FAF1: variants seen among roughly 807,000 people sequenced by gnomAD.
FAF1 encodes the protein Fas associated factor 1.
FAF1 carries 25 observed loss-of-function variants against 92.5 expected under a neutral mutation model. The observed-to-expected ratio is 0.27, with a 90% CI of 0.20 to 0.38. FAF1 has a LOEUF of 0.38. FAF1 is among the 10% of genes least tolerant of loss of function. The probability of loss-of-function intolerance (pLI) is 1.00; values close to 1 mark genes in which losing one functional copy is unlikely to be tolerated. For synonymous variants in FAF1, 234 were observed against 273.2 expected (o/e 0.86, Z 1.42); for missense variants, 636 against 793.3 (o/e 0.80, Z 2.38).
At chr1:50,715,420 A>G (rs990913562) in intron 6 of FAF1, among the ~76,000 whole-genome samples, 16 of 152,208 alleles carry the variant, frequency 1.1e-4, no homozygotes, top group Non-Finnish European at 1.5e-4. Flanking sequence ...TGGGCAACAC[A>G]GAAAGGTCCT....
intron 1 of FAF1, among the ~76,000 whole-genome samples, chr1:50,959,329 T>C (rs1026575010): frequency 6.6e-6 from 1 of 152,110 alleles, no homozygotes; most frequent in Admixed American, 6.5e-5. Flanking sequence ...ATTCTGCTTT[T>C]TTACTCTTCC....
At chr1:50,738,443 CA>C (rs533056212) in intron 6 of FAF1, among the ~76,000 whole-genome samples, 2,861 of 79,058 alleles carry the variant, frequency 0.036, 67 homozygotes, top group African/African-American at 0.11. Context: ...AACTCCGTCG[CA>C]AAAAAAAAAA....
chr1:50,631,980 T>G (rs573111279), intron 8 of FAF1, among the ~76,000 whole-genome samples: 85 of 152,324 alleles, frequency 5.6e-4, no homozygotes, highest in African/African-American at 2.0e-3. Flanking sequence ...AAATTAAACT[T>G]TACTACAGAT....
chr1:50,534,199 C>G (rs1285166675), intron 15 of FAF1, among the ~76,000 whole-genome samples: 2 of 152,168 alleles, frequency 1.3e-5, no homozygotes, highest in Non-Finnish European at 2.9e-5. Context: ...CAGAAGCAGT[C>G]CTCTCCATAC....
chr1:50,637,803 T>G (rs1654130369), intron 8 of FAF1, among the ~76,000 whole-genome samples: 1 of 151,690 alleles, frequency 6.6e-6, no homozygotes, highest in East Asian at 1.9e-4. Context: ...AAGCTTTTAG[T>G]GTCCTCTCTC....
chr1:50,917,615 GGGAAAGGAAAAAGGAAAGGAAAGGAAA>G, intron 1 of FAF1, among the ~76,000 whole-genome samples: 1 of 79,936 alleles, frequency 1.3e-5, no homozygotes, highest in South Asian at 4.1e-4. Context: ...GAAAGGAAAA[GGGAAAGGAAAAAGGAAAGGAAAGGAAA>G]GGAAAGGAAA....
At position 50,819,741 on chromosome 1, in the gene FAF1, A is replaced by ATATATATATACATATATATATACG. The variant is rs1249338604; in HGVS notation, c.115-18088_115-18065dup. 1.8e-4 allele frequency among the ~76,000 whole-genome samples: 3 copies of ATATATATATACATATATATATACG among 17,066 alleles called. 1 individual carries two copies. The highest frequency in any genetic ancestry group is 3.7e-4 in the Non-Finnish European group (3 of 8,186). 11.2% of individuals were successfully genotyped at this position (17,066 alleles called of 152,430 possible). On this transcript the variant is annotated intron_variant, in intron 2 of 18. Coordinates refer to ENST00000396153, the MANE Select transcript of FAF1 (RefSeq NM_007051.3). ...CGTATATATATATACATATATATAC[A>ATATATATATACATATATATATACG]TATATATATACATATATATATACGT... is the stretch of plus-strand genomic sequence containing the variant.
Position 50,953,778 on chromosome 1 carries a change from AT to A in FAF1, c.45+5988del, listed in dbSNP as rs532590149. On this transcript the variant is annotated intron_variant, in intron 1 of 18. Transcript: ENST00000396153. ...GAAAGAAAAGAAAATTCATCAAGCA[AT>A]TTAGGCAGCAAAAAGTATTACTAGC... Among the ~76,000 whole-genome samples, 19 of 152,200 alleles carry A rather than the reference AT, an allele frequency of 1.2e-4. No homozygotes were observed. The East Asian group carries it at 3.5e-3, about 28-fold the overall frequency.
At chr1:50,513,554 T>C (rs780436459) in intron 15 of FAF1, among the ~76,000 whole-genome samples, 1 of 152,152 alleles carries the variant, frequency 6.6e-6, no homozygotes, top group Non-Finnish European at 1.5e-5. Flanking sequence ...TGCAAAAAGT[T>C]CTCATTTGGT....
chr1:50,576,443 G>A (rs949885741), intron 12 of FAF1, among the ~76,000 whole-genome samples: 1 of 152,126 alleles, frequency 6.6e-6, no homozygotes, highest in African/African-American at 2.4e-5. Context: ...GGGATGCTTG[G>A]GAAAGGAACA....
intron 8 of FAF1, among the ~76,000 whole-genome samples, chr1:50,622,333 G>A (rs1380523726): frequency 6.6e-6 from 1 of 152,062 alleles, no homozygotes. Flanking sequence ...CCAAGAACTA[G>A]CACCAGCATT....
intron 6 of FAF1, among the ~76,000 whole-genome samples, chr1:50,711,769 C>CA (rs1320987389): frequency 1.3e-5 from 2 of 151,998 alleles, no homozygotes; most frequent in African/African-American, 4.8e-5. Flanking sequence ...CCGGCCTGTT[C>CA]TTTTTTACAG....
intron 15 of FAF1, among the ~76,000 whole-genome samples, chr1:50,528,949 T>C (rs139545864): frequency 2.8e-4 from 43 of 152,358 alleles, no homozygotes; most frequent in African/African-American, 8.9e-4. Context: ...TTTATTTCTC[T>C]AGTTCACTTT....
intron 4 of FAF1, among the ~76,000 whole-genome samples, chr1:50,757,136 T>C (rs1660108290): frequency 6.6e-6 from 1 of 152,236 alleles, no homozygotes; most frequent in Non-Finnish European, 1.5e-5. Context: ...ATTTAAACAA[T>C]TTTAAATTTG....
intron 17 of FAF1, among the ~76,000 whole-genome samples, chr1:50,479,404 C>G (rs1389539202): frequency 6.6e-6 from 1 of 152,212 alleles, no homozygotes; most frequent in Non-Finnish European, 1.5e-5. Flanking sequence ...GGCGCTGTCC[C>G]TGACGCCACT....
At chr1:50,493,711 CAT>C (rs1442186883) in intron 15 of FAF1, among the ~76,000 whole-genome samples, 2 of 152,074 alleles carry the variant, frequency 1.3e-5, no homozygotes, top group African/African-American at 2.4e-5. Context: ...GTTTAATAAG[CAT>C]ATGTTAAATA....
intron 4 of FAF1, among the ~76,000 whole-genome samples, chr1:50,762,384 C>CT (rs1188954407): frequency 6.6e-6 from 1 of 152,022 alleles, no homozygotes; most frequent in Non-Finnish European, 1.5e-5. Context: ...ATCGCCAAGT[C>CT]AATCCTAAGC....
intron 17 of FAF1, among the ~76,000 whole-genome samples, chr1:50,489,360 A>C (rs1292159863): frequency 6.6e-6 from 1 of 152,256 alleles, no homozygotes; most frequent in Non-Finnish European, 1.5e-5. Flanking sequence ...AGGGCCCTTC[A>C]GGCCTTTCCA....
In FAF1 at chr1:50,537,398, T is replaced by C. The variant is rs553076596; in HGVS notation, c.1406-1941A>G. 2.6e-3 allele frequency among the ~76,000 whole-genome samples: 399 copies of C among 152,312 alleles called. 2 individuals carry two copies. The highest frequency in any genetic ancestry group is 4.4e-3 in the Non-Finnish European group (298 of 68,016). ...GAAAAAGTATACCAGTTAATGCAGT[T>C]CAGGGCAAACTTACTCTTTATAGTT... On this transcript the variant is annotated intron_variant, in intron 14 of 18. Transcript: ENST00000396153.
Sources: gnomAD v4.1 joint callset for allele counts (sites outside exome capture counted in the v4.1 genomes callset) on GRCh38, gnomAD v4.1.1 for gene constraint, MANE v1.5 for transcripts, NCBI Gene and HGNC (gene_info 2026-07-23, HGNC 2026-07-21) for gene names.